The following ETV5 variants were observed in gnomAD, a reference collection of about 807,000 sequenced individuals.
The protein encoded by ETV5 is ETS variant transcription factor 5, also known as ETS translocation variant 5.
Under a neutral mutation model 70.0 loss-of-function variants are expected in ETV5, and 10 were observed. That is an observed-to-expected ratio of 0.14 (90% CI 0.09 to 0.24). The LOEUF (loss-of-function observed/expected upper bound fraction) is 0.24, where lower values mean the gene tolerates loss of function less well. ETV5 is among the 10% of genes least tolerant of loss of function. The pLI, the probability that ETV5 is intolerant of heterozygous loss-of-function variation, is 1.00. For missense variants in ETV5, 453 were observed against 651.2 expected (o/e 0.70, Z 3.31); for synonymous variants, 216 against 242.2 (o/e 0.89, Z 1.01).
At chr3:186,080,220 A>T in intron 6 of ETV5, 116 bp from the exon 7 acceptor site, 1 of 804,712 alleles carries the variant, frequency 1.2e-6, no homozygotes, top group Non-Finnish European at 1.8e-6. Flanking sequence ...AACAGCATTA[A>T]CATAGTTAAA....
chr3:186,088,011 GGAA>G (rs1394223055), intron 5 of ETV5, among the ~76,000 whole-genome samples: 2 of 152,160 alleles, frequency 1.3e-5, no homozygotes, highest in African/African-American at 4.8e-5. Context: ...CGGTCTGAAG[GGAA>G]GAAGGACTAA....
At chr3:186,108,265 C>T (rs1319185356) in intron 1 of ETV5, among the ~76,000 whole-genome samples, 1 of 151,994 alleles carries the variant, frequency 6.6e-6, no homozygotes, top group Non-Finnish European at 1.5e-5. Flanking sequence ...GTCCCCTCCA[C>T]ACCCGTGTTA....
Position 186,094,595 on chromosome 3 carries a change from A to C in ETV5, c.232+10710T>G, listed in dbSNP as rs570628221. On this transcript the variant is annotated intron_variant, in intron 5 of 12. Transcript: ENST00000306376. ...CCTAACAATTTAGGATTGTTACTTT[A>C]GAACGCCAAAAATGGAAACCTAGAT... Among the ~76,000 whole-genome samples the C allele has an allele frequency of 3.9e-5, 6 of 152,336 alleles. No homozygotes were observed. The South Asian group carries it at 1.0e-3, about 26-fold the overall frequency.
chr3:186,066,979 T>C (rs116554427), intron 7 of ETV5, among the ~76,000 whole-genome samples: 392 of 152,346 alleles, frequency 2.6e-3, no homozygotes, highest in Non-Finnish European at 3.8e-3. Context: ...AAATTTCATA[T>C]GGATTAAAGG....
At chr3:186,103,463 C>G (rs926977878) in intron 5 of ETV5, among the ~76,000 whole-genome samples, 1 of 152,186 alleles carries the variant, frequency 6.6e-6, no homozygotes, top group Non-Finnish European at 1.5e-5. Flanking sequence ...GAGAAACAAA[C>G]AAAAGTGTCA....
chr3:186,060,062 G>A (rs1271931417), intron 9 of ETV5, among the ~76,000 whole-genome samples: 6 of 152,078 alleles, frequency 3.9e-5, no homozygotes, highest in East Asian at 3.9e-4. Context: ...CATATTTCCC[G>A]ATCTTCCATA....
At chr3:186,072,882 C>T (rs1439904290) in intron 7 of ETV5, among the ~76,000 whole-genome samples, 1 of 152,170 alleles carries the variant, frequency 6.6e-6, no homozygotes, top group Non-Finnish European at 1.5e-5. Flanking sequence ...CACCTGTAAT[C>T]CCAGCACTTT....
intron 8 of ETV5, 62 bp downstream of exon 8, chr3:186,065,751 A>C: frequency 6.2e-7 from 1 of 1,606,176 alleles, no homozygotes; most frequent in Non-Finnish European, 8.5e-7. Flanking sequence ...TGTATAAGAC[A>C]CTGAATAACG....
intron 9 of ETV5, among the ~76,000 whole-genome samples, chr3:186,059,742 T>C (rs754955555): frequency 6.6e-5 from 10 of 152,212 alleles, no homozygotes; most frequent in Non-Finnish European, 1.3e-4. Flanking sequence ...TGATCTTATA[T>C]CCTCCACCAA....
chr3:186,058,491 C>A (rs2065240987), intron 9 of ETV5, among the ~76,000 whole-genome samples: 1 of 152,186 alleles, frequency 6.6e-6, no homozygotes, highest in Non-Finnish European at 1.5e-5. Flanking sequence ...GCTCATACTA[C>A]AGGTCTGTGT....
chr3:186,067,147 A>AT (rs1282412798), intron 7 of ETV5, among the ~76,000 whole-genome samples: 22 of 152,170 alleles, frequency 1.4e-4, no homozygotes, highest in Admixed American at 1.4e-3. Flanking sequence ...ATACAAAAAA[A>AT]TTGGCCCAGC....
At chr3:186,090,129 A>G (rs573864342) in intron 5 of ETV5, among the ~76,000 whole-genome samples, 1 of 152,372 alleles carries the variant, frequency 6.6e-6, no homozygotes, top group East Asian at 1.9e-4. Flanking sequence ...TTTATCTTAT[A>G]GTTGACTAAC....
At chr3:186,049,995 G>A (rs2150140440) in intron 12 of ETV5, among the ~76,000 whole-genome samples, 1 of 152,244 alleles carries the variant, frequency 6.6e-6, no homozygotes, top group South Asian at 2.1e-4. Flanking sequence ...GCTTTTCTAA[G>A]TCTCTCTACA....
intron 5 of ETV5, among the ~76,000 whole-genome samples, chr3:186,082,574 C>A (rs1351965283): frequency 1.3e-5 from 2 of 152,090 alleles, no homozygotes; most frequent in African/African-American, 4.8e-5. Context: ...GTGCCCGCCA[C>A]CATGCCCAGC....
Position 186,048,004 on chromosome 3 carries a change from C to T in ETV5, c.*635G>A, listed in dbSNP as rs1005840318. 30 of 232,948 alleles carry T rather than the reference C, an allele frequency of 1.3e-4. No homozygotes were observed. Among genetic ancestry groups the T allele is most frequent in the Middle Eastern group, 1.2e-3 (1 of 802 alleles). 14.4% of individuals were successfully genotyped at this position (232,948 alleles called of 1,614,324 possible). On this transcript the variant is annotated 3_prime_UTR_variant, in exon 13 of 13. Transcript: ENST00000306376. ...GAGAAAGGGGGCTTGCTCTACTTGG[C>T]GACCACATGGCCGGGTGGTTCCCAA...
intron 9 of ETV5, among the ~76,000 whole-genome samples, chr3:186,063,894 C>A (rs958347226): frequency 2.6e-5 from 4 of 152,134 alleles, no homozygotes; most frequent in Admixed American, 6.5e-5. Context: ...GAGTTACCCA[C>A]CCAAGCACTC....
rs181747460 is a variant in ETV5, at chr3:186,050,012, C to T, written c.1312-1152G>A. On this transcript the variant is annotated intron_variant, in intron 12 of 12. Transcript: ENST00000306376. Reference sequence around the variant, plus strand: ...TTTTCTAAGTCTCTCTACACACCGACGGGCTATCATTCACCTTTTAATGAG... The same window carrying T: ...TTTTCTAAGTCTCTCTACACACCGATGGGCTATCATTCACCTTTTAATGAG... Among the ~76,000 whole-genome samples, 169 of 152,296 alleles carry T rather than the reference C, an allele frequency of 1.1e-3. 1 individual carries two copies. Among genetic ancestry groups the T allele is most frequent in the African/African-American group, 3.8e-3 (160 of 41,574 alleles).
At chr3:186,068,517 A>G (rs1291648669) in intron 7 of ETV5, among the ~76,000 whole-genome samples, 1 of 152,216 alleles carries the variant, frequency 6.6e-6, no homozygotes, top group Non-Finnish European at 1.5e-5. Context: ...TGTTGCTACT[A>G]GTCGAGTTTC....
chr3:186,079,620 A>G (rs915865421), intron 7 of ETV5, among the ~76,000 whole-genome samples, 197 bp downstream of exon 7: 27 of 152,178 alleles, frequency 1.8e-4, no homozygotes, highest in African/African-American at 5.3e-4. Context: ...TCCATCAACC[A>G]TCTGGAGTAC....
Sources: allele counts gnomAD v4.1 joint callset (sites outside exome capture counted in the v4.1 genomes callset), GRCh38; gene constraint gnomAD v4.1.1; transcripts MANE v1.5; gene names NCBI Gene and HGNC (gene_info 2026-07-23, HGNC 2026-07-21).